LARP7: variants seen among roughly 807,000 people sequenced by gnomAD.
The protein encoded by LARP7 is la-related protein 7.
In LARP7, 52 loss-of-function variants were observed where a neutral mutation model predicts 69.3. The ratio of observed to expected loss-of-function variants is 0.75; its 90% CI spans 0.60 to 0.95. LARP7 has a LOEUF of 0.95. Among genes scored for constraint, LARP7 ranks in the 40% least tolerant of loss-of-function variants. The probability of loss-of-function intolerance (pLI) is 0.00; values close to 1 mark genes in which losing one functional copy is unlikely to be tolerated. For missense variants in LARP7, 733 were observed against 673.0 expected (o/e 1.09, Z -0.99); for synonymous variants, 254 against 215.9 (o/e 1.18, Z -1.55).
rs917902754 is a variant in LARP7 at position 112,647,694 on chromosome 4, A to G, written c.1002A>G (p.Ile334Met). 13 of 1,521,766 alleles carry G rather than the reference A, an allele frequency of 8.5e-6. No homozygotes were observed. Among genetic ancestry groups the G allele is most frequent in the Non-Finnish European group, 1.1e-5 (13 of 1,139,976 alleles). 94.3% of individuals were successfully genotyped at this position (1,521,766 alleles called of 1,614,324 possible). A position where few individuals can be genotyped will look rare whatever the true frequency, so the allele number is the denominator to read the frequency against. Reference protein sequence around the residue: ...ASEASKENRDIEISTEEEKDT... With the variant: ...ASEASKENRDMEISTEEEKDT... ...AGCTTTTTTATTTATTTCAAGATAT[A>G]GAAATCTCTACTGAAGAGGAAAAGG... The change falls in exon 8 of 13, where the codon ATA becomes ATG. Residue 334 changes from isoleucine (I) to methionine (M), a missense_variant. Coordinates refer to ENST00000344442, the MANE Select transcript of LARP7 (RefSeq NM_016648.4).
At chr4:112,639,921 G>A (rs183733348) in intron 1 of LARP7, among the ~76,000 whole-genome samples, 29 of 151,972 alleles carry the variant, frequency 1.9e-4, no homozygotes, top group Admixed American at 4.6e-4. Flanking sequence ...TAGAATAATT[G>A]ATAATTATAG....
At chr4:112,648,704 G>A in intron 8 of LARP7, 2 of 344,856 alleles carry the variant, frequency 5.8e-6, no homozygotes, top group South Asian at 2.3e-5. Flanking sequence ...AAGGGTAAAA[G>A]GCAGGGACTT....
chr4:112,653,076 G>C lies in LARP7; in HGVS notation c.1417-1G>C. On this transcript the variant is annotated splice_acceptor_variant, in intron 10 of 12. Transcript: ENST00000344442. LOFTEE classifies it high-confidence loss of function. ...TGTCTTTCTACTTAACTCTAATGCA[G>C]GATACTTTGGCAGCAATCTCAGAAG... is the stretch of plus-strand genomic sequence containing the variant. 1.9e-6 allele frequency: 3 copies of C among 1,582,350 alleles called. No homozygotes were observed. The highest frequency in any genetic ancestry group is 2.6e-6 in the Non-Finnish European group (3 of 1,170,422).
intron 1 of LARP7, among the ~76,000 whole-genome samples, chr4:112,641,388 A>G (rs1240328656): frequency 1.3e-5 from 2 of 150,824 alleles, no homozygotes; most frequent in Admixed American, 6.6e-5. Flanking sequence ...ACTCCGTCTC[A>G]GGGAAAAAAA....
At chr4:112,644,067 C>A (rs2048063714) in intron 1 of LARP7, among the ~76,000 whole-genome samples, 1 of 151,650 alleles carries the variant, frequency 6.6e-6, no homozygotes. Context: ...ATGGTGAAAC[C>A]CCGTCTCCTA....
chr4:112,648,326 A>C (rs200951552), intron 8 of LARP7: 21 of 529,330 alleles, frequency 4.0e-5, no homozygotes, highest in Non-Finnish European at 8.2e-5. Context: ...CAATAACAAA[A>C]AAATTTTGTA....
In LARP7 at chr4:112,649,311, G is replaced by A. The variant is rs66977472; in HGVS notation, c.1143-224G>A. ...ACTTCAGACACTCAAAAATTTAATT[G>A]GCAATCTTAAAACATTTAATCTGAA... On this transcript the variant is annotated intron_variant, in intron 8 of 12. Transcript: ENST00000344442. Among the ~76,000 whole-genome samples the A allele has an allele frequency of 0.19, 29,375 of 151,936 alleles. 3,658 individuals carry two copies. The highest frequency in any genetic ancestry group is 0.27 in the Non-Finnish European group (18,674 of 67,936).
intron 4 of LARP7, 40 bp from the exon 5 acceptor site, chr4:112,646,751 G>T (rs753453551): frequency 6.4e-7 from 1 of 1,556,278 alleles, no homozygotes; most frequent in Admixed American, 2.0e-5. Context: ...TTGACATTCT[G>T]ATTGTGAAAA....
At chr4:112,655,491 A>T (rs2048919479) in intron 12 of LARP7, 1 of 152,210 alleles carries the variant, frequency 6.6e-6, no homozygotes, top group Non-Finnish European at 1.5e-5. Context: ...CGTGAAATGA[A>T]ACGGAGGTTA....
intron 12 of LARP7, 155 bp downstream of exon 12, chr4:112,654,314 C>CA: frequency 2.0e-6 from 1 of 505,412 alleles, no homozygotes; most frequent in South Asian, 3.4e-5. Context: ...AGGGAAAAGT[C>CA]ATTTCTCTAG....
Position 112,646,620 on chromosome 4 carries a change from A to G in LARP7, c.336A>G (p.Lys112=), listed in dbSNP as rs1323004979. ...LDLEGTRIRR[K]KPLGERPKDE... ...TGGAAGGCACCAGAATCCGGAGGAA[A>G]AAACCTCTGGGGGAAAGACCAAAGG... The change falls in exon 4 of 13, where the codon AAA becomes AAG. Residue 112 remains lysine (K), a synonymous_variant. Transcript: ENST00000344442. 1.2e-6 allele frequency: 2 copies of G among 1,602,242 alleles called. No individual in the cohort carries two copies. Among genetic ancestry groups the G allele is most frequent in the Admixed American group, 3.4e-5 (2 of 59,058 alleles).
At position 112,653,077 on chromosome 4, in the gene LARP7, G is replaced by C; in HGVS notation, c.1417G>C (p.Asp473His). 6.3e-7 allele frequency: 1 copy of C among 1,582,108 alleles called. No individual in the cohort carries two copies. The highest frequency in any genetic ancestry group is 8.5e-7 in the Non-Finnish European group (1 of 1,170,270). Reference protein sequence around the residue: ...EPLPGRKQVRDTLAAISEVLY... With the variant: ...EPLPGRKQVRHTLAAISEVLY... Reference sequence around the variant, plus strand: ...GTCTTTCTACTTAACTCTAATGCAGGATACTTTGGCAGCAATCTCAGAAGT... The same window carrying C: ...GTCTTTCTACTTAACTCTAATGCAGCATACTTTGGCAGCAATCTCAGAAGT... The change falls in exon 11 of 13, where the codon GAT (aspartate) becomes CAT (histidine). Residue 473 changes from aspartate to histidine, a missense_variant and splice_region_variant. By Grantham distance (81) the Asp-to-His change is moderately conservative. Coordinates refer to ENST00000344442, the MANE Select transcript of LARP7 (RefSeq NM_016648.4).
At chr4:112,639,410 T>G (rs2047866339) in intron 1 of LARP7, among the ~76,000 whole-genome samples, 1 of 152,004 alleles carries the variant, frequency 6.6e-6, no homozygotes, top group Non-Finnish European at 1.5e-5. Flanking sequence ...TTTTGTATTT[T>G]TAGTAGAGAC....
In LARP7 at chr4:112,647,698, A is replaced by T. The variant is rs1337864716; in HGVS notation, c.1006A>T (p.Ile336Phe). 6.6e-7 allele frequency: 1 copy of T among 1,524,472 alleles called. No individual in the cohort carries two copies. The highest frequency in any genetic ancestry group is 8.8e-7 in the Non-Finnish European group (1 of 1,141,268). 94.4% of individuals were successfully genotyped at this position (1,524,472 alleles called of 1,614,324 possible). The change falls in exon 8 of 13, where the codon ATC becomes TTC. Residue 336 changes from isoleucine (I) to phenylalanine (F), a missense_variant. Physicochemically the swap from Ile to Phe is conservative, Grantham distance 21. Coordinates refer to ENST00000344442, the MANE Select transcript of LARP7 (RefSeq NM_016648.4). Reference sequence around the variant, plus strand: ...TTTTTATTTATTTCAAGATATAGAAATCTCTACTGAAGAGGAAAAGGATAC... The same window carrying T: ...TTTTTATTTATTTCAAGATATAGAATTCTCTACTGAAGAGGAAAAGGATAC... ...EASKENRDIEISTEEEKDTGD... is the reference protein window; with the variant it reads ...EASKENRDIEFSTEEEKDTGD...
At chr4:112,644,917 T>G (rs760591505) in intron 2 of LARP7, 46 bp downstream of exon 2, 1 of 879,926 alleles carries the variant, frequency 1.1e-6, no homozygotes, top group Non-Finnish European at 1.7e-6. Flanking sequence ...TATGGTTGCC[T>G]TTAAATTTAC....
chr4:112,650,604 G>C (rs1025662594), intron 10 of LARP7, 22 bp downstream of exon 10: 2 of 1,601,964 alleles, frequency 1.2e-6, no homozygotes, highest in Non-Finnish European at 8.5e-7. Flanking sequence ...GAGCCCCTAG[G>C]GTATTTGTTC....
Position 112,647,043 on chromosome 4 carries a change from A to G in LARP7, c.562A>G (p.Asn188Asp). ...TTTGCAATCATTTCAGTTTCTTAAC[A>G]ACCCACCAGAAGAAGCACCAAGAAA... ...QAAKAIEFLN[N>D]PPEEAPRKPG... Residue 188 changes from asparagine to aspartate, a missense_variant, in exon 6 of 13, where the codon AAC (asparagine) becomes GAC (aspartate). Physicochemically the swap from Asn to Asp is conservative, Grantham distance 23 (BLOSUM62 1). Coordinates refer to ENST00000344442, the MANE Select transcript of LARP7 (RefSeq NM_016648.4). 1.2e-6 allele frequency: 2 copies of G among 1,607,588 alleles called. No homozygotes were observed. The highest frequency in any genetic ancestry group is 1.7e-6 in the Non-Finnish European group (2 of 1,178,468).
At position 112,644,738 on chromosome 4, in the gene LARP7, T is replaced by G. The variant is rs748798624; in HGVS notation, c.69T>G (p.Val23=). The part of the protein sequence containing the change: ...EEESTEKKKE[V]EKKKRSRVKQ... ...AAAGCACTGAAAAGAAAAAAGAAGTTGAAAAAAAGAAACGGTCACGAGTTA... is the reference window on the plus strand; with the variant it reads ...AAAGCACTGAAAAGAAAAAAGAAGTGGAAAAAAAGAAACGGTCACGAGTTA... The change falls in exon 2 of 13, where the codon GTT becomes GTG. Residue 23 remains valine, a synonymous_variant. Transcript: ENST00000344442. 1.2e-6 allele frequency: 2 copies of G among 1,610,428 alleles called. No individual in the cohort carries two copies. The highest frequency in any genetic ancestry group is 1.7e-6 in the Non-Finnish European group (2 of 1,177,818).
In LARP7 at chr4:112,647,292, G is replaced by T; in HGVS notation, c.740G>T (p.Ser247Ile). ...KEENMDTSNT[S>I]ISKMKRSRPT... ...GAAAACATGGACACAAGCAACACCAGCATCAGTAAAATGAAAAGATCCAGA... is the reference window on the plus strand; with the variant it reads ...GAAAACATGGACACAAGCAACACCATCATCAGTAAAATGAAAAGATCCAGA... Residue 247 changes from serine to isoleucine, a missense_variant, in exon 7 of 13, where the codon AGC (serine) becomes ATC (isoleucine). By Grantham distance (142) the Ser-to-Ile change is moderately radical. Transcript: ENST00000344442. 1 of 1,613,960 alleles carries T rather than the reference G, an allele frequency of 6.2e-7. No individual in the cohort carries two copies. Among genetic ancestry groups the T allele is most frequent in the South Asian group, 1.1e-5 (1 of 91,042 alleles).
Sources: gnomAD v4.1 joint callset for allele counts (sites outside exome capture counted in the v4.1 genomes callset) on GRCh38, gnomAD v4.1.1 for gene constraint, MANE v1.5 for transcripts, NCBI Gene and HGNC (gene_info 2026-07-23, HGNC 2026-07-21) for gene names.